The following RTTN variants were observed in gnomAD, a reference collection of about 807,000 sequenced individuals.
The protein encoded by RTTN is rotatin.
A neutral mutation model predicts 269.2 loss-of-function variants in RTTN; 182 were observed. The ratio of observed to expected loss-of-function variants is 0.68; its 90% CI spans 0.60 to 0.76. The LOEUF (loss-of-function observed/expected upper bound fraction) is 0.76. Ranked by LOEUF, RTTN falls within the 30% of genes least tolerant of loss-of-function variation. RTTN has a pLI of 0.00. For missense variants in RTTN, 2,545 were observed against 2,608.6 expected (o/e 0.98, Z 0.53); for synonymous variants, 1,006 against 963.5 (o/e 1.04, Z -0.82).
At chr18:70,020,544 G>A (rs2056672103) in intron 45 of RTTN, 71 bp downstream of exon 45, 1 of 1,323,658 alleles carries the variant, frequency 7.6e-7, no homozygotes, top group South Asian at 1.4e-5. Flanking sequence ...AAATTGAGTT[G>A]TAAACTTTTG....
intron 17 of RTTN, among the ~76,000 whole-genome samples, chr18:70,148,401 C>A (rs1393290547): frequency 6.6e-6 from 1 of 152,048 alleles, no homozygotes. Flanking sequence ...TAATGGCAGT[C>A]AAAGAAAGGA....
chr18:70,025,028 C>A (rs1262946277), intron 43 of RTTN, among the ~76,000 whole-genome samples, 180 bp from the exon 44 acceptor site: 3 of 152,238 alleles, frequency 2.0e-5, no homozygotes, highest in Non-Finnish European at 4.4e-5. Flanking sequence ...CGAGCCTGAC[C>A]AATCTCAGGA....
At chr18:70,092,084 T>C (rs1599489317) in intron 30 of RTTN, 26 bp downstream of exon 30, 1 of 1,461,264 alleles carries the variant, frequency 6.8e-7, no homozygotes, top group Non-Finnish European at 9.6e-7. Flanking sequence ...CTAAACACAA[T>C]ACACTTGATT....
At chr18:70,103,824 C>T (rs1156928591) in intron 28 of RTTN, among the ~76,000 whole-genome samples, 6 of 151,186 alleles carry the variant, frequency 4.0e-5, no homozygotes, top group Non-Finnish European at 8.8e-5. Context: ...CCCCCACTCT[C>T]TTCTGGCTTA....
rs368050148 is a variant in RTTN at position 70,054,218 on chromosome 18, G to A, written c.5098C>T (p.Pro1700Ser). ...AGCTCATCCTGAATCACAAGGTCAGGCTCCACCAATAAACATGACTGCAGA... is the reference window on the plus strand; with the variant it reads ...AGCTCATCCTGAATCACAAGGTCAGACTCCACCAATAAACATGACTGCAGA... ...RLLQSCLLVEPDLVIQDELVK... is the reference protein window; with the variant it reads ...RLLQSCLLVESDLVIQDELVK... The change falls in exon 38 of 49, where the codon CCT becomes TCT. Residue 1700 changes from proline (P) to serine (S), a missense_variant. By Grantham distance (74) the Pro-to-Ser change is moderately conservative. Transcript: ENST00000640769. 1.2e-6 allele frequency: 2 copies of A among 1,613,776 alleles called. No homozygotes were observed. Among genetic ancestry groups the A allele is most frequent in the Non-Finnish European group, 1.7e-6 (2 of 1,179,832 alleles).
intron 14 of RTTN, among the ~76,000 whole-genome samples, chr18:70,158,001 G>A (rs1339767754): frequency 6.6e-6 from 1 of 151,892 alleles, no homozygotes; most frequent in Non-Finnish European, 1.5e-5. Flanking sequence ...GAAGGAGAGA[G>A]AGCAAGCAAC....
At position 70,073,935 on chromosome 18, in the gene RTTN, G is replaced by C; in HGVS notation, c.4624C>G (p.Pro1542Ala). Residue 1542 changes from proline to alanine, a missense_variant, in exon 34 of 49, where the codon CCA becomes GCA. Physicochemically the swap from Pro to Ala is conservative, Grantham distance 27. Transcript: ENST00000640769. ...APSRTSQDRD[P>A]SSLSTSETTV... ...GTTTCTGAGGTGGAGAGAGAACTTG[G>C]ATCTCGATCCTGACTTGTCCTAGAT... 1 of 1,611,654 alleles carries C rather than the reference G, an allele frequency of 6.2e-7. No homozygotes were observed. Among genetic ancestry groups the C allele is most frequent in the East Asian group, 2.2e-5 (1 of 44,824 alleles).
At position 70,037,837 on chromosome 18, in the gene RTTN, TG is replaced by T. The variant is rs142031365; in HGVS notation, c.5542-6857del. Among the ~76,000 whole-genome samples the T allele has an allele frequency of 9.8e-4, 149 of 152,346 alleles. 2 individuals carry two copies. Among genetic ancestry groups the T allele is most frequent in the African/African-American group, 3.4e-3 (142 of 41,590 alleles). ...CTCCCTGAATCCAGGCCGAGCCTCT[TG>T]GACAGTATTTCTGGACCATCTCTGG... On this transcript the variant is annotated intron_variant, in intron 40 of 48. Coordinates refer to ENST00000640769, the MANE Select transcript of RTTN (RefSeq NM_173630.4).
In RTTN at chr18:70,057,813, T is replaced by C. The variant is rs1046609603; in HGVS notation, c.4960A>G (p.Ile1654Val). Residue 1654 changes from isoleucine to valine, a missense_variant, in exon 37 of 49, where the codon ATA becomes GTA. Transcript: ENST00000640769. ...LLCSIADATL[I>V]QTCVQELRAL... ...CTGAGTTCCTGGACACATGTCTGTA[T>C]GAGGGTAGCATCTGCAATGCTGTGA... 16 of 1,613,544 alleles carry C rather than the reference T, an allele frequency of 9.9e-6. No individual in the cohort carries two copies. In the African/African-American group the frequency reaches 1.1e-4, roughly 11 times the overall value.
At position 70,127,557 on chromosome 18, in the gene RTTN, G is replaced by A; in HGVS notation, c.3328C>T (p.Pro1110Ser). ...LNDRLSLKGC[P>S]GPCGVTLKSL... ...TTCAAGGTAACCCCACATGGACCAG[G>A]GCAACCCTTTAAAGACAATCTGTCA... Residue 1110 changes from proline to serine, a missense_variant, in exon 25 of 49, where the codon CCT becomes TCT. Transcript: ENST00000640769. The A allele has an allele frequency of 6.2e-7, 1 of 1,613,426 alleles. No individual in the cohort carries two copies.
rs1281526804 is a variant in RTTN, at chr18:70,003,946, T to C, written c.*205A>G. ...AACAGAAAGGAAAAGGCACAGAAAG[T>C]TGTCAGCTGCTATTACTTCTGGAGA... On this transcript the variant is annotated 3_prime_UTR_variant, in exon 49 of 49. Transcript: ENST00000640769. 2.5e-6 allele frequency: 1 copy of C among 393,608 alleles called. No individual in the cohort carries two copies. Among genetic ancestry groups the C allele is most frequent in the Non-Finnish European group, 4.5e-6 (1 of 221,924 alleles). The allele number at this position is 393,608 out of a possible 1,614,324, so 24.4% of individuals were successfully genotyped here. A position where few individuals can be genotyped will look rare whatever the true frequency, so the allele number is the denominator to read the frequency against.
At chr18:70,028,414 G>A (rs150750479) in intron 43 of RTTN, among the ~76,000 whole-genome samples, 22 of 152,050 alleles carry the variant, frequency 1.4e-4, no homozygotes, top group Middle Eastern at 3.4e-3. Flanking sequence ...GAGTTGTTTT[G>A]ACAACCCGTT....
intron 3 of RTTN, among the ~76,000 whole-genome samples, chr18:70,202,481 T>C (rs960461703): frequency 4.6e-5 from 7 of 152,228 alleles, no homozygotes; most frequent in African/African-American, 1.2e-4. Context: ...GCTAAAACTA[T>C]AGTTTGTAAT....
rs76853865 is a variant in RTTN at position 70,132,349 on chromosome 18, T to C, written c.2954+2124A>G. On this transcript the variant is annotated intron_variant, in intron 23 of 48. Transcript: ENST00000640769. ...TCCAACAACTACTACATATACATTA[T>C]TATTTTCAAGTACACATGGAACATT... 5.6e-4 allele frequency among the ~76,000 whole-genome samples: 85 copies of C among 152,194 alleles called. 1 individual carries two copies. In the East Asian group the frequency reaches 0.016, roughly 28 times the overall value.
chr18:70,102,823 C>T (rs2059205930), intron 28 of RTTN, among the ~76,000 whole-genome samples: 1 of 152,228 alleles, frequency 6.6e-6, no homozygotes, highest in Admixed American at 6.5e-5. Flanking sequence ...TTCTCCTTCA[C>T]TTATGAAACT....
At chr18:70,051,036 T>G (rs2057650429) in intron 39 of RTTN, among the ~76,000 whole-genome samples, 1 of 152,164 alleles carries the variant, frequency 6.6e-6, no homozygotes, top group Non-Finnish European at 1.5e-5. Context: ...TATTCCTATG[T>G]AAAAAACCTG....
intron 28 of RTTN, among the ~76,000 whole-genome samples, chr18:70,106,127 C>G (rs921800853): frequency 6.6e-5 from 10 of 152,100 alleles, no homozygotes; most frequent in African/African-American, 2.4e-4. Context: ...GTGGGAAGAT[C>G]ATTTGCGCCA....
At chr18:70,090,262 A>T (rs1207643825) in intron 30 of RTTN, among the ~76,000 whole-genome samples, 2 of 152,156 alleles carry the variant, frequency 1.3e-5, no homozygotes, top group Non-Finnish European at 2.9e-5. Flanking sequence ...GATGCCTGAA[A>T]CCACAGATAG....
intron 14 of RTTN, among the ~76,000 whole-genome samples, chr18:70,154,054 C>CA (rs1429721204): frequency 3.3e-5 from 5 of 151,998 alleles, no homozygotes; most frequent in East Asian, 3.9e-4. Context: ...CGAGTTTTAA[C>CA]AAAAAATATT....
Sources: gnomAD v4.1 joint callset for allele counts (sites outside exome capture counted in the v4.1 genomes callset) on GRCh38, gnomAD v4.1.1 for gene constraint, MANE v1.5 for transcripts, NCBI Gene and HGNC (gene_info 2026-07-23, HGNC 2026-07-21) for gene names.